The following PSTPIP2 variants were observed in gnomAD, a reference collection of about 807,000 sequenced individuals.
The protein encoded by PSTPIP2 is proline-serine-threonine phosphatase interacting protein 2.
PSTPIP2 carries 33 observed loss-of-function variants against 63.3 expected under a neutral mutation model. That is an observed-to-expected ratio of 0.52 (90% CI 0.40 to 0.70). The LOEUF (loss-of-function observed/expected upper bound fraction) is 0.70, where lower values mean the gene tolerates loss of function less well. PSTPIP2 is among the 30% of genes least tolerant of loss of function. The pLI is 0.00. For missense variants in PSTPIP2, 312 were observed against 400.7 expected (o/e 0.78, Z 1.89); for synonymous variants, 125 against 132.7 (o/e 0.94, Z 0.40).
At chr18:46,037,001 T>C (rs1301026164) in intron 2 of PSTPIP2, among the ~76,000 whole-genome samples, 1 of 152,142 alleles carries the variant, frequency 6.6e-6, no homozygotes, top group Non-Finnish European at 1.5e-5. Context: ...AAATAATAAA[T>C]AAGGTATAAC....
At chr18:46,036,691 G>A (rs1404127038) in intron 2 of PSTPIP2, among the ~76,000 whole-genome samples, 5 of 152,168 alleles carry the variant, frequency 3.3e-5, no homozygotes, top group East Asian at 3.9e-4. Context: ...GCCTGGGTAC[G>A]ACCAAGGAAA....
intron 5 of PSTPIP2, among the ~76,000 whole-genome samples, chr18:46,007,468 T>G (rs558016125): frequency 2.0e-5 from 3 of 152,258 alleles, no homozygotes; most frequent in Non-Finnish European, 4.4e-5. Flanking sequence ...TCCCTGCCAC[T>G]GCAGTCAGGA....
intron 3 of PSTPIP2, among the ~76,000 whole-genome samples, chr18:46,020,413 G>C (rs547534580): frequency 6.6e-6 from 1 of 152,268 alleles, no homozygotes; most frequent in East Asian, 1.9e-4. Context: ...CCAGCACTTT[G>C]GGAGGCTGAG....
At chr18:46,043,338 C>A (rs964258313) in intron 1 of PSTPIP2, among the ~76,000 whole-genome samples, 1 of 150,774 alleles carries the variant, frequency 6.6e-6, no homozygotes, top group African/African-American at 2.4e-5. Flanking sequence ...CTGCAGTGAG[C>A]CACGTTCATG....
At chr18:45,994,333 C>G (rs1204186467) in intron 9 of PSTPIP2, among the ~76,000 whole-genome samples, 6 of 152,088 alleles carry the variant, frequency 3.9e-5, no homozygotes, top group Non-Finnish European at 7.3e-5. Context: ...ATATTGAATA[C>G]CATAGCTATT....
chr18:46,068,735 G>C (rs769010745), intron 1 of PSTPIP2, among the ~76,000 whole-genome samples: 8 of 152,126 alleles, frequency 5.3e-5, no homozygotes, highest in South Asian at 2.1e-4. Context: ...GAAAGGACTT[G>C]AATGTCCATG....
intron 2 of PSTPIP2, among the ~76,000 whole-genome samples, chr18:46,036,617 T>A (rs774298205): frequency 2.2e-4 from 34 of 152,202 alleles, no homozygotes; most frequent in Non-Finnish European, 4.1e-4. Flanking sequence ...ACGGAGCGGC[T>A]CCTTGCACTG....
chr18:46,053,924 C>T (rs1052742123), intron 1 of PSTPIP2, among the ~76,000 whole-genome samples: 4 of 152,130 alleles, frequency 2.6e-5, no homozygotes, highest in Non-Finnish European at 4.4e-5. Flanking sequence ...AATGGGGATA[C>T]GTTGTAAGAA....
In PSTPIP2 at chr18:46,058,108, C is replaced by T. The variant is rs796252372; in HGVS notation, c.33+14048G>A. On this transcript the variant is annotated intron_variant, in intron 1 of 14. Coordinates refer to ENST00000409746, the MANE Select transcript of PSTPIP2 (RefSeq NM_024430.4). ...CTGGGTCAGAGGAAGAGATGGCTTG[C>T]TAACCTGCCATTCCTTAGCATGATA... Among the ~76,000 whole-genome samples the T allele has an allele frequency of 2.6e-4, 39 of 151,826 alleles. 1 individual carries two copies. Among genetic ancestry groups the T allele is most frequent in the African/African-American group, 9.2e-4 (38 of 41,406 alleles).
chr18:46,016,029 T>C, intron 3 of PSTPIP2, 92 bp from the exon 4 acceptor site: 1 of 1,442,236 alleles, frequency 6.9e-7, no homozygotes, highest in Non-Finnish European at 9.5e-7. Context: ...TCTGCCCATA[T>C]CTTAACTTAG....
intron 13 of PSTPIP2, 28 bp from the exon 14 acceptor site, chr18:45,988,787 C>G (rs2276198): frequency 5.9e-5 from 89 of 1,517,522 alleles, no homozygotes; most frequent in Non-Finnish European, 8.0e-5. Flanking sequence ...CAGAAAACAA[C>G]AGTAACATCA....
chr18:46,056,183 T>C (rs1908749035), intron 1 of PSTPIP2, among the ~76,000 whole-genome samples: 2 of 152,196 alleles, frequency 1.3e-5, no homozygotes, highest in African/African-American at 4.8e-5. Context: ...CTCGGCAATG[T>C]AGATCCCTTA....
chr18:45,992,039 T>C, intron 11 of PSTPIP2, 56 bp from the exon 12 acceptor site: 1 of 1,593,682 alleles, frequency 6.3e-7, no homozygotes, highest in Non-Finnish European at 8.6e-7. Context: ...TCATCCTTAA[T>C]GACATCTAAC....
intron 1 of PSTPIP2, among the ~76,000 whole-genome samples, chr18:46,063,412 A>C (rs191523455): frequency 1.5e-3 from 230 of 152,334 alleles, no homozygotes; most frequent in African/African-American, 5.4e-3. Flanking sequence ...GTGTTTTCAA[A>C]ATCCATATAC....
intron 1 of PSTPIP2, among the ~76,000 whole-genome samples, chr18:46,048,703 G>A (rs538330551): frequency 6.6e-6 from 1 of 152,266 alleles, no homozygotes; most frequent in East Asian, 1.9e-4. Context: ...GAGAGACTGA[G>A]GAACTATTCC....
chr18:46,019,119 A>G (rs1371969691), intron 3 of PSTPIP2, among the ~76,000 whole-genome samples: 2 of 152,046 alleles, frequency 1.3e-5, no homozygotes, highest in African/African-American at 2.4e-5. Context: ...GCTCACTGCT[A>G]CTTTCATGGA....
chr18:46,011,517 A>G (rs1412976248), intron 4 of PSTPIP2, among the ~76,000 whole-genome samples: 1 of 152,170 alleles, frequency 6.6e-6, no homozygotes, highest in East Asian at 1.9e-4. Flanking sequence ...CACTACTGTT[A>G]CTAACCTAGG....
chr18:46,042,692 A>T (rs1908235398), intron 1 of PSTPIP2, among the ~76,000 whole-genome samples: 2 of 152,224 alleles, frequency 1.3e-5, no homozygotes. Flanking sequence ...ATGAATGGGT[A>T]CCAAATGGTC....
chr18:46,054,416 A>G (rs1908682647), intron 1 of PSTPIP2, among the ~76,000 whole-genome samples: 1 of 152,196 alleles, frequency 6.6e-6, no homozygotes, highest in African/African-American at 2.4e-5. Flanking sequence ...TCTGTATGAT[A>G]CAATAATTGT....
Sources: gnomAD v4.1 joint callset for allele counts (sites outside exome capture counted in the v4.1 genomes callset) on GRCh38, gnomAD v4.1.1 for gene constraint, MANE v1.5 for transcripts, NCBI Gene and HGNC (gene_info 2026-07-23, HGNC 2026-07-21) for gene names.